Variants in WDR20 observed in about 807,000 individuals in gnomAD.
WDR20 encodes WD repeat-containing protein 20.
Under a neutral mutation model 38.7 loss-of-function variants are expected in WDR20, and 3 were observed. The ratio of observed to expected loss-of-function variants is 0.08; its 90% confidence interval spans 0.04 to 0.20. WDR20 has a LOEUF of 0.20. WDR20 is among the 10% of genes least tolerant of loss of function. The pLI is 1.00. For synonymous variants in WDR20, 298 were observed against 285.6 expected, an observed-to-expected ratio of 1.04 and a Z score of -0.44; for missense variants, 559 against 727.7, an observed-to-expected ratio of 0.77 and a Z score of 2.67.
chr14:102,155,037 AT>A (rs2057033226), intron 1 of WDR20, among the ~76,000 whole-genome samples: 1 of 152,238 alleles, frequency 6.6e-6, no homozygotes. Flanking sequence ...TGAGTTTAAA[AT>A]AGACCAACTC....
At chr14:102,182,224 C>G (rs146270876) in intron 1 of WDR20, among the ~76,000 whole-genome samples, 2,593 of 152,168 alleles carry the variant, frequency 0.017, 51 homozygotes, top group South Asian at 0.097. Flanking sequence ...TTGGATTTCC[C>G]AAAGAGGACT....
chr14:102,147,647 C>G (rs1329211271), intron 1 of WDR20, among the ~76,000 whole-genome samples: 1 of 151,874 alleles, frequency 6.6e-6, no homozygotes, highest in Non-Finnish European at 1.5e-5. Flanking sequence ...CAAACTTGAG[C>G]TTGAGCAAGC....
chr14:102,168,993 G>A (rs915500987), intron 1 of WDR20, among the ~76,000 whole-genome samples: 1 of 152,134 alleles, frequency 6.6e-6, no homozygotes, highest in Non-Finnish European at 1.5e-5. Context: ...ACTTTCTAAT[G>A]TGTTTCTATA....
chr14:102,158,317 G>C (rs960321398), intron 1 of WDR20, among the ~76,000 whole-genome samples: 1 of 151,812 alleles, frequency 6.6e-6, no homozygotes, highest in Admixed American at 6.6e-5. Flanking sequence ...TTTTTTTTAA[G>C]ATGGAGTCTC....
chr14:102,212,686 G>A, downstream of WDR20: 1 of 1,508,868 alleles, frequency 6.6e-7, no homozygotes, highest in Non-Finnish European at 8.9e-7. Flanking sequence ...CCTGGGGAGG[G>A]CCTGGGGAGG....
chr14:102,159,386 G>T (rs927262003), intron 1 of WDR20, among the ~76,000 whole-genome samples: 1 of 152,120 alleles, frequency 6.6e-6, no homozygotes, highest in African/African-American at 2.4e-5. Context: ...CATCATCAGC[G>T]GTCACCTGGG....
At position 102,221,248 on chromosome 14, in the gene WDR20, C is replaced by T. The variant is rs2063855491; in HGVS notation, c.1693-1582C>T. 6.6e-6 allele frequency among the ~76,000 whole-genome samples: 1 copy of T among 152,242 alleles called. No individual in the cohort carries two copies. The highest frequency in any genetic ancestry group is 1.9e-4 in the East Asian group (1 of 5,198). On this transcript the variant is annotated intron_variant, in intron 3 of 3. Transcript: ENST00000335263. This position sits in a 1 kb window ranked among gnomAD's most constrained non-coding sequence, Gnocchi z 4.8. The stretch of plus-strand genomic sequence containing the variant: ...CTGTCCCCAGGCTGGGTCACCACCA[C>T]TTTCTCCCTCTGCCAGGAGTAGATG...
chr14:102,202,721 G>T (rs190860397), intron 2 of WDR20, among the ~76,000 whole-genome samples: 244 of 151,808 alleles, frequency 1.6e-3, no homozygotes, highest in Middle Eastern at 0.014. Context: ...CTCTTCCTCC[G>T]CTGCACCTGC....
intron 1 of WDR20, among the ~76,000 whole-genome samples, chr14:102,148,065 C>A (rs756077983): frequency 6.6e-6 from 1 of 152,096 alleles, no homozygotes; most frequent in Non-Finnish European, 1.5e-5. Flanking sequence ...AGATTTTTGT[C>A]GTCTGGAATT....
At chr14:102,194,830 C>G in intron 1 of WDR20, 108 bp from the exon 2 acceptor site, 1 of 1,222,986 alleles carries the variant, frequency 8.2e-7, no homozygotes, top group Non-Finnish European at 1.1e-6. Context: ...CATTTTAAAT[C>G]ACTTTGTTTT....
At chr14:102,224,415 C>T (rs763557660), downstream of WDR20, 98 of 371,984 alleles carry the variant, frequency 2.6e-4, 2 homozygotes, top group Admixed American at 4.1e-4. Context: ...ACCTGCTCAG[C>T]GAGTTACTGG....
chr14:102,149,768 A>C (rs912133198), intron 1 of WDR20, among the ~76,000 whole-genome samples: 1 of 152,182 alleles, frequency 6.6e-6, no homozygotes, highest in Non-Finnish European at 1.5e-5. Context: ...ATCTCAGCAC[A>C]CTGCAACCTC....
At chr14:102,143,518 A>G (rs1407748496) in intron 1 of WDR20, among the ~76,000 whole-genome samples, 1 of 152,004 alleles carries the variant, frequency 6.6e-6, no homozygotes, top group Non-Finnish European at 1.5e-5. Flanking sequence ...CCTCTCCCCA[A>G]AAGACTTTCA....
chr14:102,185,485 G>A (rs564843729), intron 1 of WDR20, among the ~76,000 whole-genome samples: 6 of 152,158 alleles, frequency 3.9e-5, no homozygotes, highest in South Asian at 4.1e-4. Flanking sequence ...AGCAGTAGAC[G>A]GCGGTGCAGC....
chr14:102,183,609 A>T (rs955362102), intron 1 of WDR20, among the ~76,000 whole-genome samples: 2 of 152,248 alleles, frequency 1.3e-5, no homozygotes, highest in African/African-American at 4.8e-5. Context: ...TGTAAGCATT[A>T]TGAACCTTGG....
chr14:102,142,255 C>G (rs1351167060), intron 1 of WDR20, among the ~76,000 whole-genome samples: 2 of 152,102 alleles, frequency 1.3e-5, no homozygotes, highest in Non-Finnish European at 1.5e-5. Context: ...TTTCTACTCT[C>G]TTTTAATTGT....
chr14:102,197,625 A>G (rs543721891), intron 2 of WDR20: 3 of 596,850 alleles, frequency 5.0e-6, no homozygotes, highest in African/African-American at 3.7e-5. Context: ...GGAAAGATAA[A>G]TTGGAACCAG....
At chr14:102,205,217 C>T (rs1429899426) in intron 2 of WDR20, among the ~76,000 whole-genome samples, 3 of 151,288 alleles carry the variant, frequency 2.0e-5, no homozygotes, top group African/African-American at 7.3e-5. Flanking sequence ...GCCGTGATTG[C>T]ACCACTGCAC....
intron 1 of WDR20, among the ~76,000 whole-genome samples, chr14:102,165,832 G>T (rs890299055): frequency 6.6e-6 from 1 of 151,602 alleles, no homozygotes; most frequent in Non-Finnish European, 1.5e-5. Context: ...TAGAGACAGG[G>T]TTTCATCATA....
Sources: allele counts gnomAD v4.1 joint callset (sites outside exome capture counted in the v4.1 genomes callset), GRCh38; gene constraint gnomAD v4.1.1; non-coding constraint Gnocchi (gnomAD v3.1); transcripts MANE v1.5; gene names NCBI Gene and HGNC (gene_info 2026-07-23, HGNC 2026-07-21).